The following ANKRD62 variants were observed in gnomAD, a reference collection of about 807,000 sequenced individuals.
The protein encoded by ANKRD62 is ankyrin repeat domain 62.
In ANKRD62, 61 loss-of-function variants were observed where a neutral mutation model predicts 98.8. That is an observed-to-expected ratio of 0.62 (90% CI 0.50 to 0.76). ANKRD62 has a LOEUF of 0.76. ANKRD62 is among the 30% of genes least tolerant of loss of function. ANKRD62 has a pLI of 0.00. For missense variants in ANKRD62, 933 were observed against 1,082.9 expected (o/e 0.86, Z 1.94); for synonymous variants, 341 against 367.9 (o/e 0.93, Z 0.84).
chr18:12,131,016 G>T (rs1321467999), downstream of ANKRD62, among the ~76,000 whole-genome samples: 1 of 152,140 alleles, frequency 6.6e-6, no homozygotes, highest in Non-Finnish European at 1.5e-5. Context: ...AAAATGTTTT[G>T]CATGTAACAA....
the ANKRD62 span, among the ~76,000 whole-genome samples, chr18:12,181,034 G>T: frequency 6.7e-6 from 1 of 149,734 alleles, no homozygotes. Context: ...GTGAGAACAT[G>T]TGGTGTAAAA....
chr18:12,136,701 G>C, the ANKRD62 span, among the ~76,000 whole-genome samples: 1 of 152,178 alleles, frequency 6.6e-6, no homozygotes, highest in Non-Finnish European at 1.5e-5. Context: ...CCATTTGTTT[G>C]TATCCTCTTT....
In ANKRD62 at chr18:12,125,835, T is replaced by C. The variant is rs1183383420; in HGVS notation, c.2014T>C (p.Ser672Pro). The stretch of plus-strand genomic sequence containing the variant: ...CCTATGTGATCATGATCAACGTCAG[T>C]CATCAAAAAGAGACCTACAGCTTGC... ...AALCDHDQRQ[S>P]SKRDLQLAFQ... The change falls in exon 13 of 14, where the codon TCA becomes CCA. Residue 672 changes from serine to proline, a missense_variant. Transcript: ENST00000587848. 4.5e-6 allele frequency: 7 copies of C among 1,549,224 alleles called. No individual in the cohort carries two copies. The South Asian group carries it at 8.3e-5, about 18-fold the overall frequency.
chr18:12,138,159 T>C, the ANKRD62 span, among the ~76,000 whole-genome samples: 35,586 of 151,326 alleles, frequency 0.24, 4,157 homozygotes, highest in Middle Eastern at 0.34. Flanking sequence ...TTTAGATCTT[T>C]CCTGCTTTCT....
At chr18:12,134,125 G>A (rs1371458974), downstream of ANKRD62, among the ~76,000 whole-genome samples, 1 of 152,180 alleles carries the variant, frequency 6.6e-6, no homozygotes, top group Non-Finnish European at 1.5e-5. Context: ...TCAGGAGAAA[G>A]CATGTATGTC....
chr18:12,159,849 A>G, the ANKRD62 span, among the ~76,000 whole-genome samples: 2 of 152,188 alleles, frequency 1.3e-5, no homozygotes, highest in African/African-American at 2.4e-5. Flanking sequence ...TATGGAAAAT[A>G]TATAACTGAA....
intron 4 of ANKRD62, among the ~76,000 whole-genome samples, chr18:12,097,375 T>C (rs934332681): frequency 6.6e-6 from 1 of 152,210 alleles, no homozygotes; most frequent in Middle Eastern, 3.2e-3. Context: ...CATAGTATTC[T>C]GCCCATCAAA....
At chr18:12,172,961 G>C in the ANKRD62 span, among the ~76,000 whole-genome samples, 1 of 152,188 alleles carries the variant, frequency 6.6e-6, no homozygotes, top group Non-Finnish European at 1.5e-5. Context: ...TAGGAAAAGC[G>C]CAGTATTAGG....
In ANKRD62 at chr18:12,126,041, C is replaced by T. The variant is rs575390111; in HGVS notation, c.2220C>T (p.Val740=). The change falls in exon 13 of 14, where the codon GTC becomes GTT. Residue 740 remains valine (V), a synonymous_variant. Coordinates refer to ENST00000587848, the MANE Select transcript of ANKRD62 (RefSeq NM_001277333.2). ...KTLHIEHMQG[V]LSRTQRRLED... is the part of the protein sequence containing the mutation. ...TGCATATAGAACACATGCAAGGAGTCCTAAGCCGAACACAGCGTCGATTGG... is the reference window on the plus strand; with the variant it reads ...TGCATATAGAACACATGCAAGGAGTTCTAAGCCGAACACAGCGTCGATTGG... 20 of 1,536,258 alleles carry T rather than the reference C, an allele frequency of 1.3e-5. No homozygotes were observed. The Admixed American group carries it at 3.7e-4, about 29-fold the overall frequency.
At chr18:12,138,067 T>A in the ANKRD62 span, among the ~76,000 whole-genome samples, 1 of 152,146 alleles carries the variant, frequency 6.6e-6, no homozygotes, top group African/African-American at 2.4e-5. Context: ...CTGATCTTAG[T>A]TATTTCTTGC....
chr18:12,137,772 G>C, the ANKRD62 span, among the ~76,000 whole-genome samples: 5 of 152,242 alleles, frequency 3.3e-5, no homozygotes, highest in African/African-American at 1.2e-4. Flanking sequence ...GTTTAGTCTT[G>C]GGAGAGTGTA....
chr18:12,115,195 C>A, intron 9 of ANKRD62, 74 bp downstream of exon 9: 3 of 1,322,196 alleles, frequency 2.3e-6, no homozygotes, highest in Non-Finnish European at 2.0e-6. Flanking sequence ...AACAGAAAAT[C>A]TTTTGCTGTA....
chr18:12,166,233 A>C, the ANKRD62 span, among the ~76,000 whole-genome samples: 1 of 151,942 alleles, frequency 6.6e-6, no homozygotes, highest in African/African-American at 2.4e-5. Flanking sequence ...TTTCTACCCT[A>C]TCTGTTTCTC....
At chr18:12,170,425 T>C in the ANKRD62 span, among the ~76,000 whole-genome samples, 1 of 152,204 alleles carries the variant, frequency 6.6e-6, no homozygotes, top group Non-Finnish European at 1.5e-5. Flanking sequence ...TCAGTTTCGA[T>C]GTAGTTGTGT....
intron 7 of ANKRD62, among the ~76,000 whole-genome samples, chr18:12,103,949 A>T (rs1909362169): frequency 6.6e-6 from 1 of 152,100 alleles, no homozygotes; most frequent in South Asian, 2.1e-4. Context: ...ATTTGAATTA[A>T]AATGTAAGAA....
chr18:12,166,577 G>C, the ANKRD62 span, among the ~76,000 whole-genome samples: 1 of 151,820 alleles, frequency 6.6e-6, no homozygotes, highest in South Asian at 2.1e-4. Flanking sequence ...CACCCACTTT[G>C]AATTCTCAGT....
chr18:12,104,076 T>G (rs574545672), intron 7 of ANKRD62, among the ~76,000 whole-genome samples: 1 of 152,244 alleles, frequency 6.6e-6, no homozygotes, highest in Admixed American at 6.5e-5. Flanking sequence ...GGTATCAGTA[T>G]TTCCAGTACA....
Position 12,122,377 on chromosome 18 carries a change from T to G in ANKRD62, c.1315T>G (p.Cys439Gly). 2 of 1,535,714 alleles carry G rather than the reference T, an allele frequency of 1.3e-6. No individual in the cohort carries two copies. The highest frequency in any genetic ancestry group is 1.7e-6 in the Non-Finnish European group (2 of 1,146,714). ...ATCAATAGAGGATCAAAAATGTTAC[T>G]GTGAACGACTTAAAGTAAAATTTCA... ...GRSIEDQKCYCERLKVKFQKM... is the reference protein window; with the variant it reads ...GRSIEDQKCYGERLKVKFQKM... Residue 439 changes from cysteine (C) to glycine (G), a missense_variant, in exon 11 of 14, where the codon TGT (cysteine) becomes GGT (glycine). Physicochemically the swap from Cys to Gly is radical, Grantham distance 159. Transcript: ENST00000587848.
intron 11 of ANKRD62, 125 bp from the exon 12 acceptor site, chr18:12,124,012 G>A: frequency 2.0e-6 from 1 of 508,902 alleles, no homozygotes; most frequent in Non-Finnish European, 3.3e-6. Context: ...ACATCGAAGT[G>A]AGAAATTAAC....
Sources: allele counts gnomAD v4.1 joint callset (sites outside exome capture counted in the v4.1 genomes callset), GRCh38; gene constraint gnomAD v4.1.1; transcripts MANE v1.5; gene names NCBI Gene and HGNC (gene_info 2026-07-23, HGNC 2026-07-21).